Variants in FANCB observed in about 807,000 individuals in gnomAD.
FANCB encodes the protein FA complementation group B.
A neutral mutation model predicts 38.9 loss-of-function variants in FANCB; 5 were observed. The observed-to-expected ratio is 0.13, with a 90% CI of 0.07 to 0.27. The LOEUF is 0.27. Among genes scored for constraint, FANCB ranks in the 10% least tolerant of loss-of-function variants. FANCB has a pLI of 1.00. For synonymous variants in FANCB, 236 were observed against 215.4 expected, an observed-to-expected ratio of 1.10 and a Z score of -0.84; for missense variants, 573 against 602.7, an observed-to-expected ratio of 0.95 and a Z score of 0.52.
chrX:14,852,463 G>A (rs1224822949), intron 6 of FANCB, among the ~76,000 whole-genome samples: 1 of 110,881 alleles, frequency 9.0e-6, no homozygotes, highest in Non-Finnish European at 1.9e-5. Flanking sequence ...CACCACGCCC[G>A]GCCCTGAGGA....
the FANCB span, among the ~76,000 whole-genome samples, chrX:14,782,337 G>A: frequency 8.9e-6 from 1 of 111,841 alleles, no homozygotes; most frequent in East Asian, 2.8e-4. Flanking sequence ...TTTTGTCTGC[G>A]GGATTTATTT....
chrX:14,759,411 C>T, the FANCB span, among the ~76,000 whole-genome samples: 2 of 111,421 alleles, frequency 1.8e-5, no homozygotes, highest in South Asian at 7.6e-4. Context: ...CACCTAGGCA[C>T]ATAGTCATTA....
At chrX:14,740,070 C>T in the FANCB span, among the ~76,000 whole-genome samples, 1 of 111,494 alleles carries the variant, frequency 9.0e-6, no homozygotes, top group Non-Finnish European at 1.9e-5. Flanking sequence ...TCATTAGTAG[C>T]TCCAGGTCCT....
At chrX:14,829,375 A>G in the FANCB span, among the ~76,000 whole-genome samples, 1 of 111,403 alleles carries the variant, frequency 9.0e-6, no homozygotes, top group Admixed American at 9.5e-5. Context: ...GTAAATAAGC[A>G]TTGTCTTTAA....
chrX:14,867,807 A>G (rs990739258), intron 2 of FANCB, among the ~76,000 whole-genome samples: 2 of 111,230 alleles, frequency 1.8e-5, no homozygotes, highest in South Asian at 7.3e-4. Flanking sequence ...AATGTAAGAA[A>G]ACATTTGCAA....
chrX:14,711,590 G>A, the FANCB span, among the ~76,000 whole-genome samples: 1 of 112,571 alleles, frequency 8.9e-6, no homozygotes, highest in African/African-American at 3.2e-5. Context: ...AGATAGCCCT[G>A]TGTATACCAT....
chrX:14,862,204 TGAATAC>T (rs2147437953), intron 3 of FANCB: 1 of 111,638 alleles, frequency 9.0e-6, no homozygotes, highest in Admixed American at 9.5e-5. Context: ...AAGCAGGACC[TGAATAC>T]GCCCAAAGTG....
chrX:14,745,939 A>C, the FANCB span, among the ~76,000 whole-genome samples: 1 of 109,618 alleles, frequency 9.1e-6, no homozygotes, highest in Admixed American at 9.7e-5. Context: ...TGACCTCGTG[A>C]TCTGCCCACC....
the FANCB span, among the ~76,000 whole-genome samples, chrX:14,692,620 G>T: frequency 1.8e-5 from 2 of 111,718 alleles, no homozygotes. Context: ...AAAGTTGGGT[G>T]GAATACAAGA....
chrX:14,829,709 CT>C, the FANCB span, among the ~76,000 whole-genome samples: 1 of 111,845 alleles, frequency 8.9e-6, no homozygotes, highest in East Asian at 2.8e-4. Context: ...CCTCTCTCAG[CT>C]CTCACAGAAT....
At chrX:14,816,454 A>G in the FANCB span, among the ~76,000 whole-genome samples, 2 of 112,336 alleles carry the variant, frequency 1.8e-5, no homozygotes, top group African/African-American at 6.5e-5. Context: ...GAAATAAAAA[A>G]TAGACTTCAA....
At chrX:14,737,510 C>T in the FANCB span, among the ~76,000 whole-genome samples, 1 of 111,779 alleles carries the variant, frequency 8.9e-6, no homozygotes, top group Non-Finnish European at 1.9e-5. Context: ...CACCTTTAAC[C>T]ACTTTGGAGA....
the FANCB span, among the ~76,000 whole-genome samples, chrX:14,717,179 A>T: frequency 9.0e-6 from 1 of 110,569 alleles, no homozygotes; most frequent in Non-Finnish European, 1.9e-5. Flanking sequence ...ATGGATTGAC[A>T]GATGAGGTCA....
the FANCB span, among the ~76,000 whole-genome samples, chrX:14,797,761 A>C: frequency 9.0e-6 from 1 of 110,522 alleles, no homozygotes. Flanking sequence ...GGGGGAGTTA[A>C]GTTTTGCTTC....
At chrX:14,714,994 G>T in the FANCB span, among the ~76,000 whole-genome samples, 1 of 111,705 alleles carries the variant, frequency 9.0e-6, no homozygotes, top group Non-Finnish European at 1.9e-5. Flanking sequence ...AATTTATTTG[G>T]TAAAATATTT....
chrX:14,797,484 C>T, the FANCB span, among the ~76,000 whole-genome samples: 3 of 110,743 alleles, frequency 2.7e-5, no homozygotes, highest in East Asian at 2.8e-4. Flanking sequence ...GAGTTCGAGA[C>T]CAGCCTGGCC....
the FANCB span, among the ~76,000 whole-genome samples, chrX:14,732,049 G>A: frequency 4.8e-5 from 5 of 104,005 alleles, no homozygotes; most frequent in African/African-American, 1.4e-4. Flanking sequence ...CGACCCCCCC[G>A]ACAGGCCCTG....
In FANCB at chrX:14,850,630, G is replaced by C; in HGVS notation, c.1371C>G (p.Val457=). The change falls in exon 7 of 10, where the codon GTC becomes GTG. Residue 457 remains valine, a synonymous_variant. Coordinates refer to ENST00000650831, the MANE Select transcript of FANCB (RefSeq NM_001018113.3). The stretch of plus-strand genomic sequence containing the variant: ...CTGATAACTTTTCATCTAAGATATG[G>C]ACAGAATTTTCTTCTTCACCACAAA... The part of the protein sequence containing the change: ...VPLCGEEENS[V]HILDEKLSDN... The C allele has an allele frequency of 8.4e-7, 1 of 1,190,157 alleles. No individual in the cohort carries two copies.
chrX:14,708,626 C>T, the FANCB span, among the ~76,000 whole-genome samples: 77 of 111,669 alleles, frequency 6.9e-4, no homozygotes, highest in African/African-American at 2.4e-3. Flanking sequence ...AATTATACAG[C>T]ACACAGCTGG....
Sources: allele counts gnomAD v4.1 joint callset (sites outside exome capture counted in the v4.1 genomes callset), GRCh38; gene constraint gnomAD v4.1.1; transcripts MANE v1.5; gene names NCBI Gene and HGNC (gene_info 2026-07-23, HGNC 2026-07-21).